The following HDAC9 variants were observed in gnomAD, a reference collection of about 807,000 sequenced individuals.
HDAC9 encodes MEF-2 interacting transcription repressor (MITR) protein.
In HDAC9, 41 loss-of-function variants were observed where a neutral mutation model predicts 139.4. That is an observed-to-expected ratio of 0.29 (90% CI 0.23 to 0.38). HDAC9 has a LOEUF of 0.38. Among genes scored for constraint, HDAC9 ranks in the 10% least tolerant of loss-of-function variants. HDAC9 has a pLI of 1.00. For synonymous variants in HDAC9, 517 were observed against 476.2 expected, an observed-to-expected ratio of 1.09 and a Z score of -1.12; for missense variants, 1,147 against 1,297.0, an observed-to-expected ratio of 0.88 and a Z score of 1.78.
chr7:18,842,021 T>C (rs1454656254), intron 21 of HDAC9, among the ~76,000 whole-genome samples: 1 of 152,124 alleles, frequency 6.6e-6, no homozygotes, highest in African/African-American at 2.4e-5. Context: ...ATAGAATATA[T>C]AGTGAAAAAT....
intron 2 of HDAC9, among the ~76,000 whole-genome samples, chr7:18,284,265 A>AACACACATATGC (rs1491525351): frequency 2.0e-5 from 3 of 152,152 alleles, no homozygotes; most frequent in Non-Finnish European, 4.4e-5. Context: ...TGGTATTTAC[A>AACACACATATGC]ACACACATAT....
chr7:18,703,942 T>C (rs1272419886), intron 12 of HDAC9, among the ~76,000 whole-genome samples: 1 of 152,184 alleles, frequency 6.6e-6, no homozygotes, highest in Admixed American at 6.5e-5. Context: ...CACAAGCAGA[T>C]CTTAGGCCAA....
chr7:18,721,939 C>T (rs183368434), intron 12 of HDAC9, among the ~76,000 whole-genome samples: 11 of 152,276 alleles, frequency 7.2e-5, no homozygotes, highest in Admixed American at 2.0e-4. Context: ...CAAATGATGG[C>T]AATGCCTATG....
At chr7:18,291,276 CA>C (rs1321400871) in intron 1 of HDAC9, among the ~76,000 whole-genome samples, 1 of 151,962 alleles carries the variant, frequency 6.6e-6, no homozygotes, top group Non-Finnish European at 1.5e-5. Flanking sequence ...GTTGTTTTAC[CA>C]GTGGGAGCAG....
intron 13 of HDAC9, among the ~76,000 whole-genome samples, chr7:18,731,248 T>C (rs908144707): frequency 6.7e-6 from 1 of 149,368 alleles, no homozygotes; most frequent in African/African-American, 2.4e-5. Flanking sequence ...TGTATTTGTA[T>C]TTTTTTTTTA....
chr7:18,656,781 C>T (rs1193595180), intron 11 of HDAC9, among the ~76,000 whole-genome samples: 1 of 151,994 alleles, frequency 6.6e-6, no homozygotes. Context: ...TACTGATTTC[C>T]TTTCTTTTAG....
intron 1 of HDAC9, among the ~76,000 whole-genome samples, chr7:18,382,307 A>G (rs1006005360): frequency 6.6e-6 from 1 of 152,220 alleles, no homozygotes; most frequent in East Asian, 1.9e-4. Context: ...CTACATTTTT[A>G]GTAAAAAATA....
chr7:18,174,953 C>G lies in HDAC9; in HGVS notation c.25+12604C>G, dbSNP rs561560055. Among the ~76,000 whole-genome samples, 14 of 152,336 alleles carry G rather than the reference C, an allele frequency of 9.2e-5. No homozygotes were observed. In the South Asian group the frequency reaches 2.9e-3, roughly 32 times the overall value. ...AGGCAGTCTGTCCGTTCTCCAATCTCAAACACCATGCTGGGAGAACTACTG... is the reference window on the plus strand; with the variant it reads ...AGGCAGTCTGTCCGTTCTCCAATCTGAAACACCATGCTGGGAGAACTACTG... On this transcript the variant is annotated intron_variant, in intron 2 of 12. Coordinates refer to the HDAC9 transcript ENST00000417496.
chr7:18,595,306 A>C (rs3814992), intron 6 of HDAC9, among the ~76,000 whole-genome samples: 1 of 151,910 alleles, frequency 6.6e-6, no homozygotes, highest in African/African-American at 2.4e-5. Context: ...ATTGAGTTTT[A>C]TGTATTGCAT....
At chr7:18,337,928 A>G (rs1391887152) in intron 1 of HDAC9, among the ~76,000 whole-genome samples, 2 of 151,764 alleles carry the variant, frequency 1.3e-5, no homozygotes, top group African/African-American at 2.4e-5. Context: ...AAATAAATGT[A>G]ACATTATCCT....
chr7:18,356,247 C>T (rs1464667574), intron 1 of HDAC9, among the ~76,000 whole-genome samples: 3 of 151,100 alleles, frequency 2.0e-5, no homozygotes, highest in African/African-American at 4.9e-5. Context: ...AAATGTAACA[C>T]GTTAGGTCAT....
intron 25 of HDAC9, among the ~76,000 whole-genome samples, chr7:18,985,647 T>C: frequency 6.9e-6 from 1 of 145,758 alleles, no homozygotes; most frequent in African/African-American, 2.6e-5. Flanking sequence ...ATCGCCACAC[T>C]GACTTCCACA....
Position 18,211,679 on chromosome 7 carries a change from A to G in HDAC9, c.25+49330A>G, listed in dbSNP as rs116720194. Among the ~76,000 whole-genome samples the G allele has an allele frequency of 7.0e-3, 1,063 of 152,302 alleles. 17 individuals are homozygous for G. The highest frequency in any genetic ancestry group is 0.025 in the African/African-American group (1,028 of 41,562). On this transcript the variant is annotated intron_variant, in intron 2 of 12. Transcript: ENST00000417496. Reference sequence around the variant, plus strand: ...CCTGGATAGAATGACTTTTGTGGTTATGTATGCAGCAAACACTTTTGAGTG... The same window carrying G: ...CCTGGATAGAATGACTTTTGTGGTTGTGTATGCAGCAAACACTTTTGAGTG...
intron 1 of HDAC9, among the ~76,000 whole-genome samples, chr7:18,427,051 G>A (rs761519397): frequency 1.3e-5 from 2 of 152,128 alleles, no homozygotes; most frequent in Non-Finnish European, 2.9e-5. Context: ...CTCTGTAGGA[G>A]CTCAACTCTT....
At chr7:18,933,355 G>T (rs1453054019) in intron 22 of HDAC9, among the ~76,000 whole-genome samples, 4 of 151,864 alleles carry the variant, frequency 2.6e-5, no homozygotes, top group Admixed American at 2.6e-4. Flanking sequence ...ACCTAATCTG[G>T]ATTAAAGAGT....
intron 17 of HDAC9, among the ~76,000 whole-genome samples, chr7:18,814,142 G>T (rs190493313): frequency 4.3e-4 from 66 of 152,082 alleles, no homozygotes; most frequent in African/African-American, 1.5e-3. Flanking sequence ...ATCACTCCCC[G>T]CTCTAAACCT....
chr7:18,728,402 AACACACACACAC>A (rs56281287), intron 13 of HDAC9, among the ~76,000 whole-genome samples: 5,461 of 145,616 alleles, frequency 0.038, 328 homozygotes, highest in African/African-American at 0.13. Context: ...TTAAGTGTGG[AACACACACACAC>A]ACACACACAC....
chr7:18,573,960 G>C (rs569926280), intron 2 of HDAC9, among the ~76,000 whole-genome samples: 14 of 152,306 alleles, frequency 9.2e-5, no homozygotes, highest in Middle Eastern at 3.4e-3. Context: ...AGCCCTGTTC[G>C]TGTTAACAGC....
At chr7:18,205,543 C>A (rs557551806) in intron 2 of HDAC9, among the ~76,000 whole-genome samples, 1 of 151,990 alleles carries the variant, frequency 6.6e-6, no homozygotes, top group Non-Finnish European at 1.5e-5. Flanking sequence ...ACTGATAGCA[C>A]CGAGGTGACA....
Sources: allele counts gnomAD v4.1 joint callset (sites outside exome capture counted in the v4.1 genomes callset), GRCh38; gene constraint gnomAD v4.1.1; transcripts MANE v1.5; gene names NCBI Gene and HGNC (gene_info 2026-07-23, HGNC 2026-07-21).